The following PCDH11X variants were observed in gnomAD, a reference collection of about 807,000 sequenced individuals.
PCDH11X encodes the protein protocadherin 11 X-linked, also known as protocadherin-11 X-linked.
PCDH11X carries 18 observed loss-of-function variants against 53.3 expected under a neutral mutation model. That is an observed-to-expected ratio of 0.34 (90% confidence interval 0.23 to 0.50). The LOEUF is 0.50. PCDH11X is among the 20% of genes least tolerant of loss of function. The pLI is 0.98. For missense variants in PCDH11X, 570 were observed against 1,032.4 expected (o/e 0.55, Z 6.14); for synonymous variants, 279 against 393.3 (o/e 0.71, Z 3.44).
chrX:91,958,719 C>T (rs2061743409), intron 6 of PCDH11X, among the ~76,000 whole-genome samples: 1 of 110,551 alleles, frequency 9.0e-6, no homozygotes, highest in Non-Finnish European at 1.9e-5. Flanking sequence ...ATGCTGAATT[C>T]CCTCACCCTT....
In PCDH11X at chrX:92,080,956, G is replaced by A. The variant is rs191113693; in HGVS notation, c.3034-120419G>A. Among the ~76,000 whole-genome samples the A allele has an allele frequency of 3.4e-3, 380 of 110,739 alleles. 1 individual carries two copies. Among genetic ancestry groups the A allele is most frequent in the African/African-American group, 0.012 (354 of 30,429 alleles). On this transcript the variant is annotated intron_variant, in intron 6 of 10. Transcript: ENST00000682573. Reference sequence around the variant, plus strand: ...GTGATAAAAATGTCCTTCCAGTATAGGGAAGACATCTTTCACATGGAAATT... The same window carrying A: ...GTGATAAAAATGTCCTTCCAGTATAAGGAAGACATCTTTCACATGGAAATT...
chrX:92,536,063 A>T (rs914003968), intron 10 of PCDH11X, among the ~76,000 whole-genome samples: 4 of 106,580 alleles, frequency 3.8e-5, no homozygotes, highest in Admixed American at 1.0e-4. Flanking sequence ...TATTACTCAG[A>T]GGTTGGTTTC....
At chrX:92,392,888 C>G (rs1453291111) in intron 9 of PCDH11X, among the ~76,000 whole-genome samples, 1 of 106,977 alleles carries the variant, frequency 9.3e-6, no homozygotes, top group Non-Finnish European at 2.0e-5. Context: ...AAATATGATT[C>G]AATTATAGAA....
chrX:92,588,369 T>G (rs865926237), intron 10 of PCDH11X, among the ~76,000 whole-genome samples: 1,929 of 82,669 alleles, frequency 0.023, 62 homozygotes, highest in African/African-American at 0.11. Context: ...TGTGTGTGTG[T>G]GTGTATATAT....
At position 92,510,046 on chromosome X, in the gene PCDH11X, A is replaced by T. The variant is rs758861572; in HGVS notation, c.3367+41724A>T. ...ATATGTTGTCCATCTTGACATTTTA[A>T]TTTGGAAGGTTATAATGGTCAGGCT... On this transcript the variant is annotated intron_variant, in intron 10 of 10. Coordinates refer to ENST00000682573, the MANE Select transcript of PCDH11X (RefSeq NM_032968.5). 6.6e-5 allele frequency among the ~76,000 whole-genome samples: 7 copies of T among 106,090 alleles called. No individual in the cohort carries two copies. In the East Asian group the frequency reaches 1.8e-3, roughly 28 times the overall value. The allele number at this position is 106,090 out of a possible 115,157, so 92.1% of individuals were successfully genotyped here.
At chrX:92,039,612 G>A (rs1226863158) in intron 6 of PCDH11X, among the ~76,000 whole-genome samples, 1 of 111,934 alleles carries the variant, frequency 8.9e-6, no homozygotes, top group Non-Finnish European at 1.9e-5. Flanking sequence ...CTTCATGGAA[G>A]TGGGCTCCCC....
intron 6 of PCDH11X, among the ~76,000 whole-genome samples, chrX:91,953,291 T>C (rs2061665170): frequency 9.1e-6 from 1 of 110,461 alleles, no homozygotes; most frequent in African/African-American, 3.3e-5. Flanking sequence ...TCGAAACATC[T>C]TATATACACC....
intron 9 of PCDH11X, among the ~76,000 whole-genome samples, chrX:92,456,372 CAAAGT>C (rs1036715297): frequency 1.1e-4 from 12 of 111,028 alleles, no homozygotes; most frequent in African/African-American, 1.6e-4. Context: ...TTTAAAGAAA[CAAAGT>C]AAAGGGAGAG....
At chrX:92,445,053 C>T (rs1436258565) in intron 9 of PCDH11X, among the ~76,000 whole-genome samples, 1 of 101,384 alleles carries the variant, frequency 9.9e-6, no homozygotes, top group African/African-American at 3.5e-5. Flanking sequence ...GTTTTGTTTT[C>T]AGGGTGATGC....
chrX:92,290,003 G>A (rs757812969), intron 8 of PCDH11X, among the ~76,000 whole-genome samples: 6 of 111,319 alleles, frequency 5.4e-5, no homozygotes, highest in Admixed American at 9.6e-5. Context: ...TTTATATAAG[G>A]TTAATAGTGG....
chrX:92,360,773 G>A (rs2148539289), intron 8 of PCDH11X, among the ~76,000 whole-genome samples: 1 of 109,666 alleles, frequency 9.1e-6, no homozygotes, highest in Non-Finnish European at 1.9e-5. Flanking sequence ...GTCTTCATTA[G>A]CTCACTAAGG....
chrX:91,858,869 T>C lies in PCDH11X; in HGVS notation c.541-17912T>C, dbSNP rs778376505. Among the ~76,000 whole-genome samples, 238 of 111,603 alleles carry C rather than the reference T, an allele frequency of 2.1e-3. 2 individuals carry two copies. The highest frequency in any genetic ancestry group is 7.3e-3 in the African/African-American group (223 of 30,670). On this transcript the variant is annotated intron_variant, in intron 5 of 10. Transcript: ENST00000682573. The stretch of plus-strand genomic sequence containing the variant: ...GGAAGTTCCAAACTTTCCCACATCT[T>C]CTTGTTTATTTAGGATCCCTCTAAA...
At chrX:92,259,527 C>T (rs1242658892) in intron 7 of PCDH11X, among the ~76,000 whole-genome samples, 1 of 111,420 alleles carries the variant, frequency 9.0e-6, no homozygotes, top group East Asian at 2.8e-4. Flanking sequence ...ATCATGAGAA[C>T]TGCACTGAGG....
chrX:92,185,093 A>G (rs1282443120), intron 6 of PCDH11X, among the ~76,000 whole-genome samples: 1 of 110,022 alleles, frequency 9.1e-6, no homozygotes, highest in Non-Finnish European at 1.9e-5. Context: ...ACAATATGAT[A>G]TAACTGGGGC....
chrX:92,387,199 G>T (rs2905670), intron 8 of PCDH11X, among the ~76,000 whole-genome samples: 48,332 of 108,917 alleles, frequency 0.44, 8,327 homozygotes, highest in Non-Finnish European at 0.49. Flanking sequence ...TAAAATCAAT[G>T]TAAATAAATT....
At chrX:91,842,520 A>G (rs191659049) in intron 5 of PCDH11X, among the ~76,000 whole-genome samples, 603 of 106,257 alleles carry the variant, frequency 5.7e-3, no homozygotes, top group Non-Finnish European at 6.3e-3. Flanking sequence ...ATGTGGACAC[A>G]CACTTTTTAG....
chrX:92,150,747 A>G (rs2065418010), intron 6 of PCDH11X, among the ~76,000 whole-genome samples: 1 of 110,922 alleles, frequency 9.0e-6, no homozygotes, highest in Non-Finnish European at 1.9e-5. Flanking sequence ...TCATGTAGAA[A>G]TCTTAAACAA....
chrX:92,222,516 G>A (rs1283755697), intron 7 of PCDH11X, among the ~76,000 whole-genome samples: 4 of 111,227 alleles, frequency 3.6e-5, no homozygotes, highest in African/African-American at 1.3e-4. Context: ...ACAGTTGTTG[G>A]CTCTTTTCTA....
intron 7 of PCDH11X, among the ~76,000 whole-genome samples, chrX:92,201,817 A>G (rs761697916): frequency 1.8e-5 from 2 of 111,997 alleles, no homozygotes; most frequent in African/African-American, 3.2e-5. Context: ...ATATAGCATA[A>G]TTTGCTTTTT....
Sources: gnomAD v4.1 joint callset for allele counts (sites outside exome capture counted in the v4.1 genomes callset) on GRCh38, gnomAD v4.1.1 for gene constraint, MANE v1.5 for transcripts, NCBI Gene and HGNC (gene_info 2026-07-23, HGNC 2026-07-21) for gene names.